Variants in ITPR2 observed in about 807,000 individuals in gnomAD.
The protein encoded by ITPR2 is inositol 1,4,5-trisphosphate-gated calcium channel ITPR2.
A neutral mutation model predicts 317.1 loss-of-function variants in ITPR2; 207 were observed. The ratio of observed to expected loss-of-function variants is 0.65; its 90% CI spans 0.58 to 0.73. The LOEUF (loss-of-function observed/expected upper bound fraction) is 0.73, where lower values mean the gene tolerates loss of function less well. Ranked by LOEUF, ITPR2 falls within the 30% of genes least tolerant of loss-of-function variation. The pLI, the probability that ITPR2 is intolerant of heterozygous loss-of-function variation, is 0.00. For missense variants in ITPR2, 2,613 were observed against 3,284.0 expected (o/e 0.80, Z 4.99); for synonymous variants, 1,156 against 1,149.1 (o/e 1.01, Z -0.12).
intron 1 of ITPR2, among the ~76,000 whole-genome samples, chr12:26,804,552 G>T (rs1293356827): frequency 2.0e-5 from 3 of 152,054 alleles, no homozygotes; most frequent in South Asian, 2.1e-4. Context: ...AAGCAGAAAA[G>T]TCTGATGGCT....
At chr12:26,752,942 A>G (rs1949452027) in intron 2 of ITPR2, among the ~76,000 whole-genome samples, 2 of 152,158 alleles carry the variant, frequency 1.3e-5, no homozygotes, top group Non-Finnish European at 1.5e-5. Flanking sequence ...ACTTTGGGTA[A>G]GTGGTGGGGT....
intron 35 of ITPR2, 22 bp downstream of exon 35, chr12:26,561,740 G>A: frequency 6.7e-7 from 1 of 1,501,628 alleles, no homozygotes; most frequent in Non-Finnish European, 8.9e-7. Context: ...AAATATTAAT[G>A]CTATTTCACG....
chr12:26,499,511 A>G (rs1943025072), intron 37 of ITPR2, among the ~76,000 whole-genome samples: 1 of 152,220 alleles, frequency 6.6e-6, no homozygotes, highest in Non-Finnish European at 1.5e-5. Flanking sequence ...AATTGTTAAT[A>G]TCTACTCTCA....
At chr12:26,500,107 T>C (rs910754165) in intron 37 of ITPR2, among the ~76,000 whole-genome samples, 2 of 152,238 alleles carry the variant, frequency 1.3e-5, no homozygotes, top group African/African-American at 4.8e-5. Flanking sequence ...TTGTCAACTA[T>C]CCAGTTCTGA....
At chr12:26,472,403 C>T (rs1942311797) in intron 45 of ITPR2, among the ~76,000 whole-genome samples, 1 of 152,024 alleles carries the variant, frequency 6.6e-6, no homozygotes, top group Non-Finnish European at 1.5e-5. Flanking sequence ...TCTCTCTTCT[C>T]GAGTCTGCCT....
intron 34 of ITPR2, among the ~76,000 whole-genome samples, chr12:26,563,000 AT>A (rs1944862415): frequency 6.6e-6 from 1 of 152,104 alleles, no homozygotes; most frequent in African/African-American, 2.4e-5. Context: ...CAAAGGATAT[AT>A]TTTTCTATAT....
intron 26 of ITPR2, among the ~76,000 whole-genome samples, chr12:26,615,360 T>TA (rs202184015): frequency 1.3e-5 from 2 of 151,912 alleles, no homozygotes; most frequent in African/African-American, 4.8e-5. Context: ...ATTTCAGGTA[T>TA]AAAAAAATAT....
rs543356363 is a variant in ITPR2 at position 26,697,757 on chromosome 12, C to A, written c.952-2107G>T. Among the ~76,000 whole-genome samples, 237 of 152,002 alleles carry A rather than the reference C, an allele frequency of 1.6e-3. 1 individual carries two copies. Among genetic ancestry groups the A allele is most frequent in the Admixed American group, 4.1e-3 (62 of 15,244 alleles). On this transcript the variant is annotated intron_variant, in intron 9 of 56. Coordinates refer to ENST00000381340, the MANE Select transcript of ITPR2 (RefSeq NM_002223.4). ...CAGGAGGCAGAGGTTGCAGTGACTG[C>A]ACTCCAGCCTGGATGACGAAGTGAG...
At chr12:26,700,799 A>C (rs1158464737) in intron 9 of ITPR2, among the ~76,000 whole-genome samples, 1 of 152,224 alleles carries the variant, frequency 6.6e-6, no homozygotes, top group Non-Finnish European at 1.5e-5. Context: ...AAATGAAGAT[A>C]ATAATGCTGG....
chr12:26,613,486 C>T (rs1946315475), intron 26 of ITPR2, among the ~76,000 whole-genome samples: 1 of 152,068 alleles, frequency 6.6e-6, no homozygotes, highest in African/African-American at 2.4e-5. Context: ...TAATCAAGCA[C>T]TAGACTCATT....
At position 26,831,681 on chromosome 12, in the gene ITPR2, T is replaced by A. The variant is rs1592167730; in HGVS notation, c.92+1009A>T. On this transcript the variant is annotated intron_variant, in intron 1 of 56. Coordinates refer to ENST00000381340, the MANE Select transcript of ITPR2 (RefSeq NM_002223.4). The surrounding 1 kb of genome is among the most constrained non-coding windows in gnomAD (Gnocchi z 4.9). ...TTTGGCACACTGTTTTATATATAAA[T>A]ATATATATATATTCTACATAAAATA... 7.2e-6 allele frequency among the ~76,000 whole-genome samples: 1 copy of A among 139,016 alleles called. No homozygotes were observed. Among genetic ancestry groups the A allele is most frequent in the East Asian group, 2.1e-4 (1 of 4,800 alleles). The allele number at this position is 139,016 out of a possible 152,430, so 91.2% of individuals were successfully genotyped here.
intron 37 of ITPR2, among the ~76,000 whole-genome samples, chr12:26,534,861 CT>C (rs1163532519): frequency 2.0e-5 from 3 of 152,138 alleles, no homozygotes; most frequent in Non-Finnish European, 4.4e-5. Context: ...TTCACATGAA[CT>C]GAGGATTCTT....
rs751103293 is a variant in ITPR2 at position 26,658,124 on chromosome 12, C to T, written c.1893G>A (p.Leu631=). Residue 631 remains leucine (L), a synonymous_variant, in exon 17 of 57, where the codon TTG becomes TTA. Coordinates refer to ENST00000381340, the MANE Select transcript of ITPR2 (RefSeq NM_002223.4). ...ACACACACAGATCTGACAAATAATC[C>T]AAAAACCTGGCAAAAGAAAAAAATT... is the stretch of plus-strand genomic sequence containing the variant. ...LLRRNREPRF[L]DYLSDLCVSN... is the part of the protein sequence containing the mutation. 2 of 1,546,530 alleles carry T rather than the reference C, an allele frequency of 1.3e-6. No homozygotes were observed. The highest frequency in any genetic ancestry group is 2.8e-5 in the African/African-American group (2 of 72,384).
chr12:26,800,061 T>A (rs1390763445), intron 1 of ITPR2, among the ~76,000 whole-genome samples: 1 of 152,158 alleles, frequency 6.6e-6, no homozygotes, highest in Non-Finnish European at 1.5e-5. Flanking sequence ...AAAAAGGCCA[T>A]ACAAATCAGA....
intron 1 of ITPR2, among the ~76,000 whole-genome samples, chr12:26,813,486 A>T (rs981388213): frequency 1.3e-5 from 2 of 152,192 alleles, no homozygotes; most frequent in African/African-American, 2.4e-5. Flanking sequence ...AAGTTCTGTG[A>T]TTCTGAATAA....
At chr12:26,800,655 T>C (rs1283167824) in intron 1 of ITPR2, among the ~76,000 whole-genome samples, 3 of 152,126 alleles carry the variant, frequency 2.0e-5, no homozygotes, top group Admixed American at 1.3e-4. Context: ...AAAATAATTA[T>C]TGAATAAGTA....
At chr12:26,780,023 T>C (rs1443389636) in intron 2 of ITPR2, among the ~76,000 whole-genome samples, 2 of 151,718 alleles carry the variant, frequency 1.3e-5, no homozygotes, top group Non-Finnish European at 2.9e-5. Flanking sequence ...GTGGATAGGA[T>C]GACCCATTCT....
intron 55 of ITPR2, among the ~76,000 whole-genome samples, chr12:26,372,651 T>G (rs1939220280): frequency 6.6e-6 from 1 of 152,210 alleles, no homozygotes; most frequent in South Asian, 2.1e-4. Flanking sequence ...GAGTTATACA[T>G]CAGAAAATAA....
At chr12:26,827,060 C>T (rs912580019) in intron 1 of ITPR2, among the ~76,000 whole-genome samples, 10 of 152,184 alleles carry the variant, frequency 6.6e-5, no homozygotes, top group Non-Finnish European at 1.0e-4. Context: ...CCAAGACTCC[C>T]TCCTTCACCT....
Sources: allele counts gnomAD v4.1 joint callset (sites outside exome capture counted in the v4.1 genomes callset), GRCh38; gene constraint gnomAD v4.1.1; non-coding constraint Gnocchi (gnomAD v3.1); transcripts MANE v1.5; gene names NCBI Gene and HGNC (gene_info 2026-07-23, HGNC 2026-07-21).